SMG7: variants seen among roughly 807,000 people sequenced by gnomAD.
SMG7 encodes nonsense-mediated mRNA decay factor SMG7.
SMG7 carries 34 observed loss-of-function variants against 148.2 expected under a neutral mutation model. That is an observed-to-expected ratio of 0.23 (90% CI 0.17 to 0.31). The LOEUF (loss-of-function observed/expected upper bound fraction) is 0.31, where lower values mean the gene tolerates loss of function less well. Ranked by LOEUF, SMG7 falls within the 10% of genes least tolerant of loss-of-function variation. The pLI, the probability that SMG7 is intolerant of heterozygous loss-of-function variation, is 1.00. For missense variants in SMG7, 1,114 were observed against 1,408.4 expected (o/e 0.79, Z 3.35); for synonymous variants, 492 against 515.1 (o/e 0.96, Z 0.61).
intron 4 of SMG7, among the ~76,000 whole-genome samples, chr1:183,523,911 T>C (rs1264128196): frequency 6.6e-6 from 1 of 151,554 alleles, no homozygotes; most frequent in African/African-American, 2.4e-5. Flanking sequence ...TTCTTAGTTA[T>C]CCACTTTTGT....
intron 10 of SMG7, among the ~76,000 whole-genome samples, chr1:183,535,358 T>C (rs889939904): frequency 2.0e-5 from 3 of 152,180 alleles, no homozygotes; most frequent in African/African-American, 7.2e-5. Flanking sequence ...TTCCCTCCAT[T>C]TTTTTCTGTC....
chr1:183,472,561 C>G lies in SMG7; in HGVS notation c.-60C>G, dbSNP rs1650904885. On this transcript the variant is annotated 5_prime_UTR_variant, in exon 1 of 23. Coordinates refer to ENST00000688051, the MANE Select transcript of SMG7 (RefSeq NM_001375584.1). ...GCACCCGCGGTGCCGCGGGGCCGCT[C>G]CGAGGAGCCTGAGAGACCCACGGAG... 2.9e-6 allele frequency: 4 copies of G among 1,368,618 alleles called. No individual in the cohort carries two copies. The highest frequency in any genetic ancestry group is 1.5e-5 in the African/African-American group (1 of 65,990). 84.8% of individuals were successfully genotyped at this position (1,368,618 alleles called of 1,614,324 possible).
In SMG7 at chr1:183,472,956, A is replaced by G. The variant is rs932476649; in HGVS notation, c.29+307A>G. 1.5e-5 allele frequency: 4 copies of G among 269,272 alleles called. No individual in the cohort carries two copies. In the Admixed American group the frequency reaches 2.1e-4, roughly 14 times the overall value. The allele number at this position is 269,272 out of a possible 1,614,324, so 16.7% of individuals were successfully genotyped here. A position where few individuals can be genotyped will look rare whatever the true frequency, so the allele number is the denominator to read the frequency against. ...GGTTTGCTAGCGAGGGGTGGAGAGA[A>G]ACGTCCGGGGAGGCGGCGGCGACCC... On this transcript the variant is annotated intron_variant, in intron 1 of 22. Transcript: ENST00000688051.
At position 183,527,327 on chromosome 1, in the gene SMG7, G is replaced by T. The variant is rs1263941418; in HGVS notation, c.484+560G>T. Among the ~76,000 whole-genome samples the T allele has an allele frequency of 1.3e-5, 2 of 152,246 alleles. No individual in the cohort carries two copies. The highest frequency in any genetic ancestry group is 4.1e-4 in the South Asian group (2 of 4,824). ...TTAACTATAGGATTATGTTTTGCTT[G>T]TCCTCAAATAACAAAGAATGGAGAA... On this transcript the variant is annotated intron_variant, in intron 5 of 22. Transcript: ENST00000688051. The surrounding 1 kb of genome is among the most constrained non-coding windows in gnomAD (Gnocchi z 4.0).
At chr1:183,543,537 T>G (rs1292001061) in intron 14 of SMG7, among the ~76,000 whole-genome samples, 2 of 152,084 alleles carry the variant, frequency 1.3e-5, no homozygotes, top group East Asian at 3.9e-4. Flanking sequence ...TTAGAGATAA[T>G]GAGTCCAGCA....
chr1:183,545,203 A>G lies in SMG7; in HGVS notation c.2261A>G (p.Gln754Arg), dbSNP rs1669705938. The G allele has an allele frequency of 6.2e-7, 1 of 1,614,176 alleles. No homozygotes were observed. The highest frequency in any genetic ancestry group is 2.2e-5 in the East Asian group (1 of 44,880). Residue 754 changes from glutamine to arginine, a missense_variant, in exon 16 of 23, where the codon CAG becomes CGG. Around this residue, in one of 4 missense-constraint regions of SMG7, gnomAD observed 788 missense variants for 894.5 expected, o/e 0.88. Transcript: ENST00000688051. ...LTSLPAQPTA[Q>R]STSQLQVQAL... ...TCTTTACCAGCTCAGCCAACAGCAC[A>G]GTCTACAAGCCAGCTGCAGGTTCAA...
intron 1 of SMG7, among the ~76,000 whole-genome samples, chr1:183,494,283 C>T (rs1657829254): frequency 6.6e-6 from 1 of 151,062 alleles, no homozygotes; most frequent in Non-Finnish European, 1.5e-5. Context: ...CTTTCATTTT[C>T]CTTTCCTTTT....
At chr1:183,483,783 C>T (rs1012021437) in intron 1 of SMG7, among the ~76,000 whole-genome samples, 6 of 151,900 alleles carry the variant, frequency 3.9e-5, no homozygotes, top group Non-Finnish European at 8.8e-5. Flanking sequence ...TTTTAAGAAC[C>T]ACAACTCAAA....
intron 1 of SMG7, among the ~76,000 whole-genome samples, chr1:183,479,671 T>C (rs1420237041): frequency 2.0e-5 from 3 of 152,206 alleles, no homozygotes; most frequent in Non-Finnish European, 2.9e-5. Flanking sequence ...TGAATACTTA[T>C]TGTATAGAGC....
intron 1 of SMG7, among the ~76,000 whole-genome samples, chr1:183,479,666 A>C (rs1028608790): frequency 6.6e-6 from 1 of 152,210 alleles, no homozygotes; most frequent in Non-Finnish European, 1.5e-5. Flanking sequence ...ATTATTGAAT[A>C]CTTATTGTAT....
intron 1 of SMG7, among the ~76,000 whole-genome samples, chr1:183,484,841 T>G (rs534846441): frequency 1.3e-5 from 2 of 152,300 alleles, no homozygotes; most frequent in South Asian, 4.1e-4. Flanking sequence ...TTGAAAGGCT[T>G]ATTATACTCT....
At chr1:183,520,553 G>A (rs1664533002) in intron 4 of SMG7, among the ~76,000 whole-genome samples, 1 of 152,076 alleles carries the variant, frequency 6.6e-6, no homozygotes, top group Non-Finnish European at 1.5e-5. Flanking sequence ...CTAGAACTGG[G>A]AACATGACTA....
In SMG7 at chr1:183,493,504, T is replaced by A. The variant is rs190365196; in HGVS notation, c.30-19333T>A. On this transcript the variant is annotated intron_variant, in intron 1 of 22. Transcript: ENST00000688051. ...TTACAAAGAAGGTGTATTCTTTTGT[T>A]GGGTAAAATGTTCTCTAAATGCCAG... Among the ~76,000 whole-genome samples, 54 of 152,344 alleles carry A rather than the reference T, an allele frequency of 3.5e-4. 1 individual carries two copies. Among genetic ancestry groups the A allele is most frequent in the African/African-American group, 1.3e-3 (53 of 41,576 alleles).
At chr1:183,521,447 T>C (rs889482571) in intron 4 of SMG7, among the ~76,000 whole-genome samples, 11 of 152,204 alleles carry the variant, frequency 7.2e-5, no homozygotes, top group African/African-American at 2.7e-4. Context: ...AAACGGATAA[T>C]GGTGTTACTA....
chr1:183,539,975 C>A (rs935290854), intron 12 of SMG7, among the ~76,000 whole-genome samples: 2 of 152,174 alleles, frequency 1.3e-5, no homozygotes, highest in African/African-American at 4.8e-5. Flanking sequence ...CCCAGTTGCT[C>A]CACTGTCTCT....
chr1:183,514,491 G>A (rs1275800258), intron 2 of SMG7, among the ~76,000 whole-genome samples: 2 of 152,164 alleles, frequency 1.3e-5, no homozygotes, highest in Admixed American at 1.3e-4. Flanking sequence ...CTGAGTTACT[G>A]TATTATGCTC....
Position 183,526,740 on chromosome 1 carries a change from C to T in SMG7, c.457C>T (p.His153Tyr). 6.2e-7 allele frequency: 1 copy of T among 1,613,542 alleles called. No homozygotes were observed. Among genetic ancestry groups the T allele is most frequent in the Non-Finnish European group, 8.5e-7 (1 of 1,179,674 alleles). ...TAGCTCCTGTTCCTATATCTGCCAG[C>T]ACTGCCTCGTCCACCTTGGAGACAT... is the stretch of plus-strand genomic sequence containing the variant. ...QSSSCSYICQHCLVHLGDIAR... is the reference protein window; with the variant it reads ...QSSSCSYICQYCLVHLGDIAR... The change falls in exon 5 of 23, where the codon CAC (histidine) becomes TAC (tyrosine). Residue 153 changes from histidine to tyrosine, a missense_variant. His to Tyr is a moderately conservative substitution (Grantham distance 83, BLOSUM62 2). This residue lies in a region of SMG7 where 216 missense variants were observed against 329.1 expected (regional missense o/e 0.66). Coordinates refer to ENST00000688051, the MANE Select transcript of SMG7 (RefSeq NM_001375584.1).
At position 183,517,765 on chromosome 1, in the gene SMG7, A is replaced by C. The variant is rs762503050; in HGVS notation, c.257A>C (p.Glu86Ala). ...AATCGAGCAAATCCGAATCGGAGTGAAGTTCAGGCAAACCTTTCTCTGTTC... is the reference window on the plus strand; with the variant it reads ...AATCGAGCAAATCCGAATCGGAGTGCAGTTCAGGCAAACCTTTCTCTGTTC... ...AKNRANPNRSEVQANLSLFLE... is the reference protein window; with the variant it reads ...AKNRANPNRSAVQANLSLFLE... The change falls in exon 4 of 23, where the codon GAA becomes GCA. Residue 86 changes from glutamate (E) to alanine (A), a missense_variant. Around this residue, in one of 4 missense-constraint regions of SMG7, gnomAD observed 216 missense variants for 329.1 expected, o/e 0.66. Coordinates refer to ENST00000688051, the MANE Select transcript of SMG7 (RefSeq NM_001375584.1). 2 of 1,614,024 alleles carry C rather than the reference A, an allele frequency of 1.2e-6. No homozygotes were observed. Among genetic ancestry groups the C allele is most frequent in the African/African-American group, 2.7e-5 (2 of 74,930 alleles).
At position 183,547,141 on chromosome 1, in the gene SMG7, A is replaced by G; in HGVS notation, c.2781A>G (p.Leu927=). 1 of 1,550,486 alleles carries G rather than the reference A, an allele frequency of 6.4e-7. No individual in the cohort carries two copies. The highest frequency in any genetic ancestry group is 1.2e-5 in the South Asian group (1 of 84,050). The part of the protein sequence containing the change: ...KSSPLLPPDL[L]KSLAALEEEE... ...CCCCTCTGCTTCCTCCGGACCTGTT[A>G]AAGAGTCTGGCTGCCTTGGAGGAAG... Residue 927 remains leucine, a synonymous_variant, in exon 18 of 23, where the codon TTA becomes TTG. Coordinates refer to ENST00000688051, the MANE Select transcript of SMG7 (RefSeq NM_001375584.1).
Sources: allele counts gnomAD v4.1 joint callset (sites outside exome capture counted in the v4.1 genomes callset), GRCh38; gene constraint gnomAD v4.1.1; regional missense constraint gnomAD v4.1.1; non-coding constraint Gnocchi (gnomAD v3.1); transcripts MANE v1.5; gene names NCBI Gene and HGNC (gene_info 2026-07-23, HGNC 2026-07-21).